Variants in UBE2H observed in about 807,000 individuals in gnomAD.
UBE2H encodes the protein ubiquitin-conjugating enzyme E2 H.
Under a neutral mutation model 29.0 loss-of-function variants are expected in UBE2H, and 3 were observed. The observed-to-expected ratio is 0.10, with a 90% CI of 0.05 to 0.27. The LOEUF (loss-of-function observed/expected upper bound fraction) is 0.27. UBE2H is among the 10% of genes least tolerant of loss of function. UBE2H has a pLI of 1.00. For missense variants in UBE2H, 68 were observed against 228.2 expected (o/e 0.30, Z 4.52); for synonymous variants, 69 against 82.9 (o/e 0.83, Z 0.91).
chr7:129,873,629 G>T (rs1806088664), intron 3 of UBE2H, among the ~76,000 whole-genome samples: 1 of 151,214 alleles, frequency 6.6e-6, no homozygotes, highest in African/African-American at 2.4e-5. Flanking sequence ...TTAGAGATGG[G>T]GTTTCTCCAT....
At position 129,884,435 on chromosome 7, in the gene UBE2H, T is replaced by A. The variant is rs996537202; in HGVS notation, c.54-3464A>T. Among the ~76,000 whole-genome samples, 25 of 149,646 alleles carry A rather than the reference T, an allele frequency of 1.7e-4. No individual in the cohort carries two copies. The East Asian group carries it at 3.6e-3, about 22-fold the overall frequency. ...CCATCTCAAAAAAAAAAAAAAAAAATTTCTCTACTTTTTGTATATATGTTA... is the reference window on the plus strand; with the variant it reads ...CCATCTCAAAAAAAAAAAAAAAAAAATTCTCTACTTTTTGTATATATGTTA... On this transcript the variant is annotated intron_variant, in intron 1 of 6. Coordinates refer to ENST00000355621, the MANE Select transcript of UBE2H (RefSeq NM_003344.4).
chr7:129,882,659 G>C (rs751844264), intron 1 of UBE2H, among the ~76,000 whole-genome samples: 4 of 152,134 alleles, frequency 2.6e-5, no homozygotes, highest in Non-Finnish European at 5.9e-5. Context: ...GTCCACATAG[G>C]AAAACTGGCT....
intron 1 of UBE2H, among the ~76,000 whole-genome samples, chr7:129,932,738 C>G (rs1807433742): frequency 7.1e-6 from 1 of 141,098 alleles, no homozygotes; most frequent in Non-Finnish European, 1.5e-5. Context: ...CACGCCATTG[C>G]ACTCCAGCCT....
chr7:129,851,112 TC>T (rs113910856), intron 5 of UBE2H, among the ~76,000 whole-genome samples: 10 of 152,010 alleles, frequency 6.6e-5, no homozygotes, highest in African/African-American at 2.4e-4. Flanking sequence ...GTAGCCCCTT[TC>T]CCCCCAACAT....
chr7:129,843,755 A>C (rs1805466924), intron 5 of UBE2H, among the ~76,000 whole-genome samples: 1 of 152,180 alleles, frequency 6.6e-6, no homozygotes, highest in Non-Finnish European at 1.5e-5. Flanking sequence ...CCACCGCAGG[A>C]GGTAACCCGC....
At chr7:129,861,029 C>T (rs1805791238) in intron 3 of UBE2H, among the ~76,000 whole-genome samples, 1 of 152,038 alleles carries the variant, frequency 6.6e-6, no homozygotes, top group Admixed American at 6.5e-5. Context: ...CAAGACCAGC[C>T]TGGCCAACAT....
chr7:129,872,198 C>T (rs1343951968), intron 3 of UBE2H, among the ~76,000 whole-genome samples: 2 of 152,064 alleles, frequency 1.3e-5, no homozygotes, highest in Non-Finnish European at 2.9e-5. Context: ...TACAAGTAGG[C>T]CTTTGTTAAA....
chr7:129,863,647 T>C (rs924883649), intron 3 of UBE2H, among the ~76,000 whole-genome samples: 1 of 152,090 alleles, frequency 6.6e-6, no homozygotes, highest in South Asian at 2.1e-4. Context: ...ACCACCAACA[T>C]GATAAAATAC....
intron 1 of UBE2H, among the ~76,000 whole-genome samples, chr7:129,910,333 A>C (rs972347963): frequency 7.9e-5 from 12 of 151,938 alleles, no homozygotes; most frequent in Admixed American, 3.3e-4. Context: ...TATCTCAAAA[A>C]AAAAACAAAA....
intron 1 of UBE2H, among the ~76,000 whole-genome samples, chr7:129,948,369 C>T (rs1190950924): frequency 2.0e-5 from 3 of 152,328 alleles, no homozygotes; most frequent in Non-Finnish European, 4.4e-5. Context: ...AACCCTAAAG[C>T]AGACACCAAC....
intron 1 of UBE2H, among the ~76,000 whole-genome samples, chr7:129,903,909 AAAT>A (rs1443380860): frequency 6.6e-6 from 1 of 152,226 alleles, no homozygotes; most frequent in African/African-American, 2.4e-5. Flanking sequence ...GTCTCTTAAA[AAAT>A]AATAAGTTCT....
chr7:129,848,147 C>T (rs1002140918), intron 5 of UBE2H, among the ~76,000 whole-genome samples: 3 of 152,108 alleles, frequency 2.0e-5, no homozygotes, highest in Non-Finnish European at 2.9e-5. Flanking sequence ...TGCTTGAACT[C>T]GGGAGGTGGA....
chr7:129,907,168 G>A (rs74756677), intron 1 of UBE2H, among the ~76,000 whole-genome samples: 9,497 of 151,776 alleles, frequency 0.063, 368 homozygotes, highest in Non-Finnish European at 0.092. Flanking sequence ...TAAAAACTCC[G>A]TTGTACGTTT....
In UBE2H at chr7:129,869,382, CCT is replaced by C. The variant is rs142581584; in HGVS notation, c.205+10184_205+10185del. On this transcript the variant is annotated intron_variant, in intron 3 of 6. Coordinates refer to ENST00000355621, the MANE Select transcript of UBE2H (RefSeq NM_003344.4). The stretch of plus-strand genomic sequence containing the variant: ...TAGACATCTCCTATCCTACCAATCC[CCT>C]GTCCTTGCCAAAAGCTTCCCACCCC... Among the ~76,000 whole-genome samples, 925 of 152,262 alleles carry C rather than the reference CCT, an allele frequency of 6.1e-3. 16 individuals carry two copies. Among genetic ancestry groups the C allele is most frequent in the African/African-American group, 0.021 (881 of 41,546 alleles).
rs898299133 is a variant in UBE2H at position 129,867,299 on chromosome 7, C to T, written c.206-8358G>A. 3.3e-5 allele frequency among the ~76,000 whole-genome samples: 5 copies of T among 150,618 alleles called. No homozygotes were observed. In the South Asian group the frequency reaches 1.1e-3, roughly 32 times the overall value. The stretch of plus-strand genomic sequence containing the variant: ...CAATAGCAAAGACTTGGAACCAACC[C>T]AAATGTCCAACAATGATAGACTGGA... On this transcript the variant is annotated intron_variant, in intron 3 of 6. Coordinates refer to ENST00000355621, the MANE Select transcript of UBE2H (RefSeq NM_003344.4).
At chr7:129,919,100 T>TAAAAAAAAAAAAAAAAAAAAG (rs1807103056) in intron 1 of UBE2H, among the ~76,000 whole-genome samples, 2 of 72,186 alleles carry the variant, frequency 2.8e-5, no homozygotes, top group African/African-American at 6.3e-5. Context: ...AAAAACAAAG[T>TAAAAAAAAAAAAAAAAAAAAG]AAAAAAAAAA....
chr7:129,842,409 C>G (rs1273762268), intron 5 of UBE2H, among the ~76,000 whole-genome samples: 2 of 151,974 alleles, frequency 1.3e-5, no homozygotes, highest in Non-Finnish European at 2.9e-5. Context: ...CCAGCCTGGG[C>G]AAGTGAGTGG....
chr7:129,836,258 T>C (rs535200169), intron 6 of UBE2H, among the ~76,000 whole-genome samples: 7 of 152,358 alleles, frequency 4.6e-5, no homozygotes, highest in Admixed American at 1.3e-4. Flanking sequence ...AAGATAAATA[T>C]TGACCTTTTT....
intron 1 of UBE2H, among the ~76,000 whole-genome samples, chr7:129,939,815 C>A (rs1449795523): frequency 1.3e-5 from 2 of 151,856 alleles, no homozygotes; most frequent in Non-Finnish European, 2.9e-5. Context: ...AAAAATTAGC[C>A]GGGCATGGTG....
Sources: gnomAD v4.1 joint callset for allele counts (sites outside exome capture counted in the v4.1 genomes callset) on GRCh38, gnomAD v4.1.1 for gene constraint, MANE v1.5 for transcripts, NCBI Gene and HGNC (gene_info 2026-07-23, HGNC 2026-07-21) for gene names.